MUC6: variants seen among roughly 807,000 people sequenced by gnomAD.
The protein encoded by MUC6 is mucin 6, oligomeric mucus/gel-forming (gene/pseudogene).
In MUC6, 188 loss-of-function variants were observed where a neutral mutation model predicts 201.5. The observed-to-expected ratio is 0.93, with a 90% CI of 0.83 to 1.05. MUC6 has a LOEUF of 1.05. MUC6 is among the 50% of genes least tolerant of loss of function. The pLI, the probability that MUC6 is intolerant of heterozygous loss-of-function variation, is 0.00. For missense variants in MUC6, 2,706 were observed against 3,256.9 expected (o/e 0.83, Z 4.12); for synonymous variants, 1,228 against 1,389.4 (o/e 0.88, Z 2.58).
At position 1,036,718 on chromosome 11, in the gene MUC6, T is replaced by C; in HGVS notation, c.-63A>G. 6.6e-7 allele frequency: 1 copy of C among 1,510,914 alleles called. No individual in the cohort carries two copies. The highest frequency in any genetic ancestry group is 8.9e-7 in the Non-Finnish European group (1 of 1,122,638). The allele number at this position is 1,510,914 out of a possible 1,614,324, so 93.6% of individuals were successfully genotyped here. The stretch of plus-strand genomic sequence containing the variant: ...GGCCTGCTGCTGCCATCCATGCGGC[T>C]CCAACGGCCGGTCCTGGGTGCCTTA... On this transcript the variant is annotated 5_prime_UTR_variant, in exon 1 of 33. Coordinates refer to ENST00000421673, the MANE Select transcript of MUC6 (RefSeq NM_005961.3).
At chr11:1,013,807 G>A (rs1383963964) in intron 32 of MUC6, 92 bp downstream of exon 32, 3 of 1,422,336 alleles carry the variant, frequency 2.1e-6, no homozygotes, top group South Asian at 1.2e-5. Context: ...TGATGGGGCA[G>A]CAGGCGCCTG....
chr11:1,025,503 G>C, intron 22 of MUC6, 136 bp from the exon 23 acceptor site: 1 of 1,074,488 alleles, frequency 9.3e-7, no homozygotes, highest in South Asian at 1.6e-5. Context: ...CTGAGAGCCA[G>C]CTTGGGGCAG....
chr11:1,017,193 G>A lies in MUC6; in HGVS notation c.5608C>T (p.His1870Tyr), dbSNP rs1220457048. Residue 1870 changes from histidine to tyrosine, a missense_variant, in exon 31 of 33, where the codon CAC (histidine) becomes TAC (tyrosine). Coordinates refer to ENST00000421673, the MANE Select transcript of MUC6 (RefSeq NM_005961.3). ...HTQMATSASIHSMPTGTIPPP... is the reference protein window; with the variant it reads ...HTQMATSASIYSMPTGTIPPP... ...GGAATGGTGCCTGTTGGCATTGAGT[G>A]GATGGAGGCAGAAGTGGCCATCTGT... The A allele has an allele frequency of 1.2e-6, 2 of 1,613,466 alleles. No individual in the cohort carries two copies. The highest frequency in any genetic ancestry group is 1.7e-6 in the Non-Finnish European group (2 of 1,179,332).
chr11:1,020,883 T>TC, intron 27 of MUC6, 149 bp from the exon 28 acceptor site: 1 of 1,060,864 alleles, frequency 9.4e-7, no homozygotes, highest in Non-Finnish European at 1.4e-6. Context: ...CTCCCCTCTC[T>TC]CCCTTTCTCC....
chr11:1,027,099 C>CCCCTCACAGT, intron 18 of MUC6, 42 bp downstream of exon 18: 1 of 1,610,812 alleles, frequency 6.2e-7, no homozygotes, highest in South Asian at 1.1e-5. Flanking sequence ...GAAGCCGGGG[C>CCCCTCACAGT]CCCTCACAGT....
Position 1,027,683 on chromosome 11 carries a change from A to C in MUC6, c.1981+2T>G. ...CCCGCTTAAGCCCCGTCGGGCACTC[A>C]CTGCAGTTGTCCACACTGCTTCTCC... is the stretch of plus-strand genomic sequence containing the variant. On this transcript the variant is annotated splice_donor_variant, in intron 16 of 32. Coordinates refer to ENST00000421673, the MANE Select transcript of MUC6 (RefSeq NM_005961.3). LOFTEE classifies it high-confidence loss of function. 1 of 1,597,078 alleles carries C rather than the reference A, an allele frequency of 6.3e-7. No individual in the cohort carries two copies. The highest frequency in any genetic ancestry group is 1.3e-5 in the African/African-American group (1 of 74,532).
In MUC6 at chr11:1,026,023, TGCCGTCGAATACGAAGCGCTG is replaced by T; in HGVS notation, c.2644_2664del (p.Gln882_Gly888del). ...ACCGTGGCCAGGATGTACTCGCAGTTGCCGTCGAATACGAAGCGCTGGCCGTCGAAGGTGATGACGTGGCCC... is the reference window on the plus strand; with the variant it reads ...ACCGTGGCCAGGATGTACTCGCAGTTGCCGTCGAAGGTGATGACGTGGCCC... On this transcript the variant is annotated inframe_deletion, in exon 21 of 33. Coordinates refer to ENST00000421673, the MANE Select transcript of MUC6 (RefSeq NM_005961.3). The T allele has an allele frequency of 1.3e-6, 2 of 1,587,798 alleles. No homozygotes were observed. Among genetic ancestry groups the T allele is most frequent in the Non-Finnish European group, 1.7e-6 (2 of 1,167,630 alleles).
intron 4 of MUC6, 99 bp from the exon 5 acceptor site, chr11:1,031,358 A>G (rs917039761): frequency 3.2e-6 from 4 of 1,240,516 alleles, no homozygotes; most frequent in Admixed American, 5.3e-5. Context: ...AGCCCCCACC[A>G]TCCCCCCACC....
rs1395188699 is a variant in MUC6 at position 1,013,998 on chromosome 11, A to T, written c.7043T>A (p.Val2348Asp). The change falls in exon 32 of 33, where the codon GTC becomes GAC. Residue 2348 changes from valine to aspartate, a missense_variant. By Grantham distance (152) the Val-to-Asp change is radical. Around this residue, in one of 10 missense-constraint regions of MUC6, gnomAD observed 586 missense variants for 488.0 expected, o/e 1.20. Transcript: ENST00000421673. Reference protein sequence around the residue: ...LGTPTPTSPGVCSVREQQEEI... With the variant: ...LGTPTPTSPGDCSVREQQEEI... ...CTCCTGCTGCTCCCGCACACTGCAGACCCCTGGTAGCCGAGTGGACGGTCA... is the reference window on the plus strand; with the variant it reads ...CTCCTGCTGCTCCCGCACACTGCAGTCCCCTGGTAGCCGAGTGGACGGTCA... 1 of 1,606,210 alleles carries T rather than the reference A, an allele frequency of 6.2e-7. No homozygotes were observed.
At chr11:1,022,042 G>C (rs547564367) in intron 26 of MUC6, among the ~76,000 whole-genome samples, 1 of 105,000 alleles carries the variant, frequency 9.5e-6, no homozygotes, top group African/African-American at 3.8e-5. Flanking sequence ...TCTGCAGCCC[G>C]GTGCCCCTCA....
chr11:1,034,723 TGGG>T (rs977305673), intron 1 of MUC6, among the ~76,000 whole-genome samples: 1 of 152,178 alleles, frequency 6.6e-6, no homozygotes, highest in African/African-American at 2.4e-5. Flanking sequence ...GGGTGGCACT[TGGG>T]GGCCGTCCCC....
chr11:1,031,110 C>CG, intron 5 of MUC6, 54 bp from the exon 6 acceptor site: 3 of 1,431,170 alleles, frequency 2.1e-6, no homozygotes, highest in African/African-American at 1.5e-5. Context: ...AGAGGCCCCC[C>CG]TGCCCTGCCC....
rs943871477 is a variant in MUC6, at chr11:1,030,216, C to A, written c.1012G>T (p.Glu338Ter). The change falls in exon 8 of 33, where the codon GAA (glutamate) becomes TAA (stop). Residue 338 changes from glutamate to a stop codon, truncating the protein, a stop_gained. Coordinates refer to ENST00000421673, the MANE Select transcript of MUC6 (RefSeq NM_005961.3). LOFTEE classifies it high-confidence loss of function. ...GAGTGCCTGCGACTGCCCTCACCTT[C>A]CGGGCAGAAGCACCCGAAGGTGCAG... ...SSCTFGCFCP[E>*]GTVLNDLSNN... is the part of the protein sequence containing the mutation. 1 of 1,550,246 alleles carries A rather than the reference C, an allele frequency of 6.5e-7. No homozygotes were observed. Among genetic ancestry groups the A allele is most frequent in the African/African-American group, 1.4e-5 (1 of 73,048 alleles).
At chr11:1,026,560 C>A in intron 19 of MUC6, 82 bp from the exon 20 acceptor site, 1 of 1,390,912 alleles carries the variant, frequency 7.2e-7, no homozygotes, top group Non-Finnish European at 9.4e-7. Context: ...TGAGACTGCC[C>A]GGCGTGTCTC....
At chr11:1,031,538 C>G in intron 4 of MUC6, 69 bp downstream of exon 4, 1 of 1,524,374 alleles carries the variant, frequency 6.6e-7, no homozygotes, top group Non-Finnish European at 8.8e-7. Flanking sequence ...GGAGGGCAGC[C>G]CCTCCCAAGT....
intron 1 of MUC6, among the ~76,000 whole-genome samples, chr11:1,036,123 G>C (rs1857210632): frequency 6.6e-6 from 1 of 152,068 alleles, no homozygotes; most frequent in Non-Finnish European, 1.5e-5. Context: ...CCCCACGGCG[G>C]CCACACCAGG....
rs578116010 is a variant in MUC6 at position 1,033,183 on chromosome 11, G to A, written c.53-108C>T. 3.1e-5 allele frequency: 34 copies of A among 1,106,614 alleles called. No homozygotes were observed. The African/African-American group carries it at 3.7e-4, about 12-fold the overall frequency. 68.5% of individuals were successfully genotyped at this position (1,106,614 alleles called of 1,614,324 possible). A position where few individuals can be genotyped will look rare whatever the true frequency, so the allele number is the denominator to read the frequency against. ...GCCCGTTTCCCTGCACACACTCGGC[G>A]TGCGAGAAGTGTCCATGGCCCGTGG... On this transcript the variant is annotated intron_variant, in intron 1 of 32. Coordinates refer to ENST00000421673, the MANE Select transcript of MUC6 (RefSeq NM_005961.3). This position sits in a 1 kb window ranked among gnomAD's most constrained non-coding sequence, Gnocchi z 5.6.
chr11:1,027,386 CGG>C lies in MUC6; in HGVS notation c.2111_2112del (p.Pro704ArgfsTer64). ...CCCTTTTGGTTCAGGTAGGTGCCAT[CGG>C]GGCAGTTGCAACCGTCCACGGGCAC... ...SAVPVDGCNC[P>X]DGTYLNQKGE... On this transcript the variant is annotated frameshift_variant, in exon 17 of 33. Transcript: ENST00000421673. LOFTEE classifies it high-confidence loss of function. 1 of 1,612,878 alleles carries C rather than the reference CGG, an allele frequency of 6.2e-7. No homozygotes were observed. The highest frequency in any genetic ancestry group is 8.5e-7 in the Non-Finnish European group (1 of 1,179,828).
At position 1,026,461 on chromosome 11, in the gene MUC6, C is replaced by T. The variant is rs1276015653; in HGVS notation, c.2412G>A (p.Glu804=). 1 of 1,597,960 alleles carries T rather than the reference C, an allele frequency of 6.3e-7. No homozygotes were observed. Among genetic ancestry groups the T allele is most frequent in the Admixed American group, 1.7e-5 (1 of 57,678 alleles). ...TGVACVPTKC[E]PGCVCAEGLY... ...GGCCCTCGGCGCAGACACAGCCAGG[C>T]TCACACTTGGTGGGCACCTGGAGGG... The change falls in exon 20 of 33, where the codon GAG becomes GAA. Residue 804 remains glutamate (E), a synonymous_variant. Transcript: ENST00000421673.
Sources: allele counts gnomAD v4.1 joint callset (sites outside exome capture counted in the v4.1 genomes callset), GRCh38; gene constraint gnomAD v4.1.1; regional missense constraint gnomAD v4.1.1; non-coding constraint Gnocchi (gnomAD v3.1); transcripts MANE v1.5; gene names NCBI Gene and HGNC (gene_info 2026-07-23, HGNC 2026-07-21).